Variants in PHACTR2 observed in about 807,000 individuals in gnomAD.
PHACTR2 encodes the protein phosphatase and actin regulator 2.
PHACTR2 carries 30 observed loss-of-function variants against 76.0 expected under a neutral mutation model. The observed-to-expected ratio is 0.39, with a 90% confidence interval of 0.30 to 0.54. The LOEUF (loss-of-function observed/expected upper bound fraction) is 0.54. PHACTR2 is among the 20% of genes least tolerant of loss of function. PHACTR2 has a pLI of 0.61. For missense variants in PHACTR2, 696 were observed against 781.1 expected (o/e 0.89, Z 1.30); for synonymous variants, 292 against 292.5 (o/e 1.00, Z 0.02).
At chr6:143,790,254 A>G (rs2128480052) in intron 11 of PHACTR2, among the ~76,000 whole-genome samples, 1 of 152,306 alleles carries the variant, frequency 6.6e-6, no homozygotes, top group Non-Finnish European at 1.5e-5. Flanking sequence ...TACAGTATCA[A>G]GGGAGTGATT....
In PHACTR2 at chr6:143,571,343, C is replaced by T. The variant is rs1319545040; in HGVS notation, c.217+34136C>T. 6.6e-6 allele frequency among the ~76,000 whole-genome samples: 1 copy of T among 152,144 alleles called. No homozygotes were observed. Among genetic ancestry groups the T allele is most frequent in the African/African-American group, 2.4e-5 (1 of 41,438 alleles). ...ACCTCTTCTGAGCTATTTATTCATTCAGTTATTTATTTGTATTAGTGTGGT... is the reference window on the plus strand; with the variant it reads ...ACCTCTTCTGAGCTATTTATTCATTTAGTTATTTATTTGTATTAGTGTGGT... On this transcript the variant is annotated intron_variant, in intron 1 of 11. Coordinates refer to the PHACTR2 transcript ENST00000367584. The surrounding 1 kb of genome is among the most constrained non-coding windows in gnomAD (Gnocchi z 4.6).
Position 143,543,796 on chromosome 6 carries a change from T to A in PHACTR2, c.217+6589T>A, listed in dbSNP as rs1041750205. On this transcript the variant is annotated intron_variant, in intron 1 of 11. Transcript: ENST00000367584. This position sits in a 1 kb window ranked among gnomAD's most constrained non-coding sequence, Gnocchi z 4.7. ...GAGGTTGCTGTGTTTGCCTTTTTCC[T>A]GGGAGACACAATTTAGGCATTTGCA... Among the ~76,000 whole-genome samples, 1 of 152,328 alleles carries A rather than the reference T, an allele frequency of 6.6e-6. No homozygotes were observed. Among genetic ancestry groups the A allele is most frequent in the Middle Eastern group, 3.4e-3 (1 of 294 alleles).
chr6:143,563,535 G>A (rs1439273414), intron 1 of PHACTR2, among the ~76,000 whole-genome samples: 7 of 109,838 alleles, frequency 6.4e-5, no homozygotes, highest in Non-Finnish European at 1.1e-4. Context: ...CAGCCTGGGC[G>A]ACACAAACTC....
rs1775309936 is a variant in PHACTR2, at chr6:143,777,438, C to G, written c.1645+55C>G. 3.4e-6 allele frequency: 3 copies of G among 885,818 alleles called. No homozygotes were observed. The highest frequency in any genetic ancestry group is 2.3e-5 in the Admixed American group (1 of 42,592). The allele number at this position is 885,818 out of a possible 1,614,324, so 54.9% of individuals were successfully genotyped here. On this transcript the variant is annotated intron_variant, in intron 9 of 12. Transcript: ENST00000440869. This position sits in a 1 kb window ranked among gnomAD's most constrained non-coding sequence, Gnocchi z 4.6. ...TTGTGTAATCGCTAACAAGCTGCCTCTACAGATGATCGATTTATCAGTAAG... is the reference window on the plus strand; with the variant it reads ...TTGTGTAATCGCTAACAAGCTGCCTGTACAGATGATCGATTTATCAGTAAG...
At position 143,615,684 on chromosome 6, in the gene PHACTR2, T is replaced by C. The variant is rs553762663; in HGVS notation, c.13+7362T>C. On this transcript the variant is annotated intron_variant, in intron 1 of 11. Transcript: ENST00000305766. ...ATAATATTAGAGTCATTAACAAAAA[T>C]TATGGAAAGAGCCTTTCCCATATGT... 8.5e-5 allele frequency among the ~76,000 whole-genome samples: 13 copies of C among 152,308 alleles called. No individual in the cohort carries two copies. In the South Asian group the frequency reaches 2.7e-3, roughly 32 times the overall value.
At position 143,751,010 on chromosome 6, in the gene PHACTR2, T is replaced by C. The variant is rs1176045853; in HGVS notation, c.295+1945T>C. ...CTTTTCAGCTGAGGGCTGGAGAAAA[T>C]AGTTTTCTGTGATTTTCCCAAAAGC... On this transcript the variant is annotated intron_variant, in intron 3 of 12. Transcript: ENST00000440869. This position sits in a 1 kb window ranked among gnomAD's most constrained non-coding sequence, Gnocchi z 5.7. 6.6e-6 allele frequency among the ~76,000 whole-genome samples: 1 copy of C among 152,034 alleles called. No homozygotes were observed. Among genetic ancestry groups the C allele is most frequent in the Admixed American group, 6.6e-5 (1 of 15,250 alleles).
At chr6:143,638,699 T>C (rs1301839681) in intron 1 of PHACTR2, among the ~76,000 whole-genome samples, 1 of 152,148 alleles carries the variant, frequency 6.6e-6, no homozygotes, top group African/African-American at 2.4e-5. Context: ...TACATACTTT[T>C]AAAAAAGGGC....
chr6:143,735,490 G>T (rs1253550258), intron 2 of PHACTR2, among the ~76,000 whole-genome samples: 1 of 151,992 alleles, frequency 6.6e-6, no homozygotes, highest in Non-Finnish European at 1.5e-5. Context: ...TAGGTTTACG[G>T]TTCAGTAGTG....
intron 5 of PHACTR2, among the ~76,000 whole-genome samples, chr6:143,763,828 A>G (rs933944055): frequency 6.6e-6 from 1 of 152,204 alleles, no homozygotes; most frequent in African/African-American, 2.4e-5. Context: ...TAACATCTGT[A>G]TACAGTGTGG....
intron 1 of PHACTR2, among the ~76,000 whole-genome samples, chr6:143,667,483 G>T (rs927276384): frequency 2.0e-5 from 3 of 152,164 alleles, no homozygotes; most frequent in East Asian, 3.8e-4. Flanking sequence ...CCATTTTTAT[G>T]ATATTGATTC....
intron 1 of PHACTR2, among the ~76,000 whole-genome samples, chr6:143,706,119 G>A (rs1315112542): frequency 6.6e-6 from 1 of 152,150 alleles, no homozygotes; most frequent in Admixed American, 6.5e-5. Flanking sequence ...TCTTGAGTGG[G>A]CTCCTCTGTC....
At position 143,548,891 on chromosome 6, in the gene PHACTR2, T is replaced by G. The variant is rs934720653; in HGVS notation, c.217+11684T>G. Among the ~76,000 whole-genome samples the G allele has an allele frequency of 1.3e-5, 2 of 151,730 alleles. No homozygotes were observed. The highest frequency in any genetic ancestry group is 4.8e-5 in the African/African-American group (2 of 41,288). Reference sequence around the variant, plus strand: ...TTGCACCATAGGTGTTTTAGAGTTGTGGGGGAAACAAGCAAGAATGAGGCA... The same window carrying G: ...TTGCACCATAGGTGTTTTAGAGTTGGGGGGGAAACAAGCAAGAATGAGGCA... On this transcript the variant is annotated intron_variant, in intron 1 of 11. Transcript: ENST00000367584. This position sits in a 1 kb window ranked among gnomAD's most constrained non-coding sequence, Gnocchi z 4.5.
rs1035255214 is a variant in PHACTR2, at chr6:143,731,620, A to G, written c.215-17365A>G. Among the ~76,000 whole-genome samples the G allele has an allele frequency of 5.9e-5, 9 of 152,052 alleles. No homozygotes were observed. The highest frequency in any genetic ancestry group is 5.9e-4 in the Admixed American group (9 of 15,262). On this transcript the variant is annotated intron_variant, in intron 2 of 12. Transcript: ENST00000440869. The surrounding 1 kb of genome is among the most constrained non-coding windows in gnomAD (Gnocchi z 4.9). ...TGTGTTGTGGTGTAGTATTCTTTTT[A>G]TATGTTGCTGGATTTTATTGAATAA...
In PHACTR2 at chr6:143,639,901, C is replaced by G. The variant is rs1776533827; in HGVS notation, c.13+31579C>G. On this transcript the variant is annotated intron_variant, in intron 1 of 11. Transcript: ENST00000305766. This position sits in a 1 kb window ranked among gnomAD's most constrained non-coding sequence, Gnocchi z 5.0. The stretch of plus-strand genomic sequence containing the variant: ...ATAACTACTCTAAAGATAATGTGTT[C>G]TGGTTCCTAGCCTCCAGAAGCTGGA... Among the ~76,000 whole-genome samples the G allele has an allele frequency of 6.6e-6, 1 of 152,162 alleles. No individual in the cohort carries two copies. The highest frequency in any genetic ancestry group is 6.5e-5 in the Admixed American group (1 of 15,268).
At chr6:143,565,306 G>A (rs192187632) in intron 1 of PHACTR2, among the ~76,000 whole-genome samples, 1 of 152,172 alleles carries the variant, frequency 6.6e-6, no homozygotes, top group Non-Finnish European at 1.5e-5. Context: ...AAAAGAAAAA[G>A]TACAGCAGCA....
At chr6:143,564,389 CAA>C (rs1775332735) in intron 1 of PHACTR2, among the ~76,000 whole-genome samples, 1 of 151,446 alleles carries the variant, frequency 6.6e-6, no homozygotes, top group South Asian at 2.1e-4. Flanking sequence ...TAATAATGCC[CAA>C]GAGTAAAAAT....
intron 1 of PHACTR2, among the ~76,000 whole-genome samples, chr6:143,631,129 T>C (rs1009388752): frequency 6.6e-6 from 1 of 152,234 alleles, no homozygotes; most frequent in African/African-American, 2.4e-5. Flanking sequence ...TAACATGCCA[T>C]ATGTTACATC....
rs142999883 is a variant in PHACTR2 at position 143,801,342 on chromosome 6, C to T, written c.1846-5715C>T. On this transcript the variant is annotated intron_variant, in intron 11 of 12. Transcript: ENST00000440869. The surrounding 1 kb of genome is among the most constrained non-coding windows in gnomAD (Gnocchi z 4.6). ...ATCACTTTCAGGTACACCAATCAAA[C>T]GTAGATTTGGTCTTTTCACATAGTC... Among the ~76,000 whole-genome samples the T allele has an allele frequency of 9.9e-5, 15 of 152,278 alleles. No individual in the cohort carries two copies. In the South Asian group the frequency reaches 2.1e-3, roughly 21 times the overall value.
rs896424607 is a variant in PHACTR2 at position 143,595,283 on chromosome 6, G to C, written c.217+58076G>C. ...AAAGGCTAATTAGGTAAAGGGAGAA[G>C]TGTACATGACAGGTTTCTGATTTTC... On this transcript the variant is annotated intron_variant, in intron 1 of 11. Transcript: ENST00000367584. This position sits in a 1 kb window ranked among gnomAD's most constrained non-coding sequence, Gnocchi z 4.2. Among the ~76,000 whole-genome samples, 3 of 152,220 alleles carry C rather than the reference G, an allele frequency of 2.0e-5. No individual in the cohort carries two copies. Among genetic ancestry groups the C allele is most frequent in the Admixed American group, 6.5e-5 (1 of 15,288 alleles).
Sources: allele counts gnomAD v4.1 joint callset (sites outside exome capture counted in the v4.1 genomes callset), GRCh38; gene constraint gnomAD v4.1.1; non-coding constraint Gnocchi (gnomAD v3.1); transcripts MANE v1.5; gene names NCBI Gene and HGNC (gene_info 2026-07-23, HGNC 2026-07-21).